Variants in SH3RF2 observed in about 807,000 individuals in gnomAD.
SH3RF2 encodes the protein SH3 domain containing ring finger 2.
In SH3RF2, 43 loss-of-function variants were observed where a neutral mutation model predicts 59.0. The ratio of observed to expected loss-of-function variants is 0.73; its 90% confidence interval spans 0.57 to 0.94. The LOEUF is 0.94. Ranked by LOEUF, SH3RF2 falls within the 40% of genes least tolerant of loss-of-function variation. The pLI, the probability that SH3RF2 is intolerant of heterozygous loss-of-function variation, is 0.00. For missense variants in SH3RF2, 930 were observed against 940.1 expected (o/e 0.99, Z 0.14); for synonymous variants, 391 against 391.5 (o/e 1.00, Z 0.01).
chr5:145,956,855 G>A (rs1758435025), intron 2 of SH3RF2, among the ~76,000 whole-genome samples: 1 of 152,184 alleles, frequency 6.6e-6, no homozygotes, highest in Non-Finnish European at 1.5e-5. Context: ...GCTTACTTCA[G>A]ATGGCTTCAG....
exon 10 of SH3RF2, chr5:146,079,382 C>T (rs1763390689): frequency 6.6e-6 from 1 of 152,066 alleles, no homozygotes; most frequent in Non-Finnish European, 1.5e-5. Context: ...TCATATATAC[C>T]GTGATGTTAT....
chr5:146,048,697 C>T (rs1220034009), intron 6 of SH3RF2, among the ~76,000 whole-genome samples: 2 of 152,114 alleles, frequency 1.3e-5, no homozygotes, highest in Admixed American at 1.3e-4. Context: ...GGATTGTTTC[C>T]TGAATGCCTT....
rs989495390 is a variant in SH3RF2 at position 145,942,217 on chromosome 5, C to T, written c.378+3911C>T. On this transcript the variant is annotated intron_variant, in intron 2 of 9. Transcript: ENST00000359120. ...GGGCAAGAACCTGGTCTACTTCCTC[C>T]GCATCATCAATTCTTTATTAACATT... 9.2e-5 allele frequency among the ~76,000 whole-genome samples: 14 copies of T among 152,188 alleles called. 1 individual carries two copies. The highest frequency in any genetic ancestry group is 3.3e-4 in the Admixed American group (5 of 15,276).
intron 2 of SH3RF2, among the ~76,000 whole-genome samples, chr5:145,967,851 G>A (rs1758917506): frequency 1.3e-5 from 2 of 152,044 alleles, no homozygotes; most frequent in South Asian, 4.2e-4. Flanking sequence ...GTAGAGACAG[G>A]GTTTCACCAT....
intron 5 of SH3RF2, among the ~76,000 whole-genome samples, chr5:146,035,717 A>G (rs894024790): frequency 1.3e-5 from 2 of 152,162 alleles, no homozygotes; most frequent in African/African-American, 4.8e-5. Flanking sequence ...ATAAAAAGCT[A>G]CTTTATAAGG....
In SH3RF2 at chr5:145,937,705, T is replaced by C. The variant is rs928340702; in HGVS notation, c.-106-118T>C. ...TGAATCAGAATGAGTCATTTGAAACTTGGGTGCCGGAACAAAGTACTTGCA... is the reference window on the plus strand; with the variant it reads ...TGAATCAGAATGAGTCATTTGAAACCTGGGTGCCGGAACAAAGTACTTGCA... On this transcript the variant is annotated intron_variant, in intron 1 of 9. Coordinates refer to ENST00000359120, the MANE Select transcript of SH3RF2 (RefSeq NM_152550.4). 15 of 564,778 alleles carry C rather than the reference T, an allele frequency of 2.7e-5. No homozygotes were observed. In the South Asian group the frequency reaches 2.9e-4, roughly 11 times the overall value. 35.0% of individuals were successfully genotyped at this position (564,778 alleles called of 1,614,324 possible).
chr5:145,942,335 AGCATCAT>A (rs1757847876), intron 2 of SH3RF2, among the ~76,000 whole-genome samples: 2 of 152,186 alleles, frequency 1.3e-5, no homozygotes, highest in Non-Finnish European at 2.9e-5. Flanking sequence ...CTACCTTGCT[AGCATCAT>A]GCCAGTCACA....
downstream of SH3RF2, among the ~76,000 whole-genome samples, chr5:146,064,719 A>AAGG (rs1763027251): frequency 5.2e-5 from 1 of 19,386 alleles, no homozygotes; most frequent in African/African-American, 2.0e-4. Flanking sequence ...AGAAAGAAAG[A>AAGG]AAGAAAGAAA....
At chr5:146,070,775 G>A (rs575893046) in intron 9 of SH3RF2, among the ~76,000 whole-genome samples, 3 of 152,256 alleles carry the variant, frequency 2.0e-5, no homozygotes, top group South Asian at 2.1e-4. Context: ...AATTTCTTTT[G>A]GGGGGTAGAT....
At chr5:145,949,160 A>ACGTAGGTGCTTGCAGGGGATT (rs1758100853) in intron 2 of SH3RF2, among the ~76,000 whole-genome samples, 1 of 152,120 alleles carries the variant, frequency 6.6e-6, no homozygotes, top group Non-Finnish European at 1.5e-5. Flanking sequence ...TAGGAATGAC[A>ACGTAGGTGCTTGCAGGGGATT]CGTAGGTGCT....
chr5:146,044,533 G>A (rs1236685405), intron 5 of SH3RF2, among the ~76,000 whole-genome samples: 2 of 151,980 alleles, frequency 1.3e-5, no homozygotes, highest in Non-Finnish European at 2.9e-5. Flanking sequence ...TGTATTTATT[G>A]GCCACTCAAT....
chr5:146,064,662 A>AAG (rs369622553), downstream of SH3RF2, among the ~76,000 whole-genome samples: 1 of 5,190 alleles, frequency 1.9e-4, no homozygotes, highest in East Asian at 8.6e-3. Context: ...GAGAGAGAGA[A>AAG]AGAGAAAGAA....
At chr5:146,012,507 T>C (rs922208232) in intron 4 of SH3RF2, among the ~76,000 whole-genome samples, 4 of 152,168 alleles carry the variant, frequency 2.6e-5, no homozygotes, top group African/African-American at 9.7e-5. Flanking sequence ...CTTTTCTTGG[T>C]TGGTAGGCTA....
intron 9 of SH3RF2, among the ~76,000 whole-genome samples, chr5:146,077,680 C>G (rs940990320): frequency 1.3e-5 from 2 of 152,046 alleles, no homozygotes; most frequent in Admixed American, 6.6e-5. Flanking sequence ...TTCAATTGCC[C>G]TTCTATTTTT....
intron 2 of SH3RF2, among the ~76,000 whole-genome samples, 198 bp from the exon 3 acceptor site, chr5:145,999,860 C>G (rs1447508331): frequency 1.3e-5 from 2 of 152,076 alleles, no homozygotes; most frequent in Non-Finnish European, 2.9e-5. Flanking sequence ...CACAGAGACA[C>G]AAAGTGAGCA....
intron 5 of SH3RF2, among the ~76,000 whole-genome samples, chr5:146,040,491 A>G (rs2150009883): frequency 6.6e-6 from 1 of 152,056 alleles, no homozygotes; most frequent in East Asian, 1.9e-4. Context: ...GTTGAGGGGG[A>G]AGGGAATGGA....
At chr5:146,069,902 A>T (rs1763195502) in intron 9 of SH3RF2, among the ~76,000 whole-genome samples, 1 of 151,820 alleles carries the variant, frequency 6.6e-6, no homozygotes, top group African/African-American at 2.4e-5. Flanking sequence ...CCTCCAGACT[A>T]CAGATCAGAA....
chr5:145,988,145 T>C (rs1759788728), intron 2 of SH3RF2, among the ~76,000 whole-genome samples: 1 of 152,176 alleles, frequency 6.6e-6, no homozygotes, highest in South Asian at 2.1e-4. Flanking sequence ...GCATTTCTTT[T>C]TACCAGAGAC....
chr5:146,049,175 C>T lies in SH3RF2; in HGVS notation c.1252C>T (p.Leu418Phe), dbSNP rs1361581162. The change falls in exon 7 of 10, where the codon CTC becomes TTC. Residue 418 changes from leucine (L) to phenylalanine (F), a missense_variant. Leu to Phe is a conservative substitution (Grantham distance 22, BLOSUM62 0). Transcript: ENST00000359120. ...CCTGGGGAAGTGCCAGGACGGCTGG[C>T]TCAGGGGCGTCTCCTTGGTCACCGG... ...RVLGKCQDGW[L>F]RGVSLVTGRV... is the part of the protein sequence containing the mutation. 1.2e-6 allele frequency: 2 copies of T among 1,613,994 alleles called. No individual in the cohort carries two copies. The highest frequency in any genetic ancestry group is 1.7e-5 in the Admixed American group (1 of 59,984).
Sources: allele counts gnomAD v4.1 joint callset (sites outside exome capture counted in the v4.1 genomes callset), GRCh38; gene constraint gnomAD v4.1.1; transcripts MANE v1.5; gene names NCBI Gene and HGNC (gene_info 2026-07-23, HGNC 2026-07-21).